Variants in ENPP6 observed in about 807,000 individuals in gnomAD.
ENPP6 encodes glycerophosphocholine cholinephosphodiesterase ENPP6.
A neutral mutation model predicts 42.0 loss-of-function variants in ENPP6; 32 were observed. That is an observed-to-expected ratio of 0.76 (90% confidence interval 0.58 to 1.02). The LOEUF is 1.02. ENPP6 is among the 50% of genes least tolerant of loss of function. The pLI is 0.00. For synonymous variants in ENPP6, 213 were observed against 216.0 expected, an observed-to-expected ratio of 0.99 and a Z score of 0.12; for missense variants, 552 against 566.8, an observed-to-expected ratio of 0.97 and a Z score of 0.27.
intron 2 of ENPP6, among the ~76,000 whole-genome samples, chr4:184,141,722 G>A (rs1363047579): frequency 2.0e-5 from 3 of 151,998 alleles, no homozygotes; most frequent in Non-Finnish European, 4.4e-5. Context: ...GAACTTAAAG[G>A]ACAATCAATG....
chr4:184,191,208 T>A (rs1382073322), intron 1 of ENPP6, among the ~76,000 whole-genome samples: 4 of 152,256 alleles, frequency 2.6e-5, no homozygotes. Flanking sequence ...TTTGTACTCA[T>A]AGTTCTTCCA....
chr4:184,194,046 T>C (rs2111109677), intron 1 of ENPP6, among the ~76,000 whole-genome samples: 1 of 152,288 alleles, frequency 6.6e-6, no homozygotes, highest in East Asian at 1.9e-4. Flanking sequence ...CCTTGTCTCC[T>C]TTGATACCTC....
chr4:184,103,755 T>C, intron 6 of ENPP6, among the ~76,000 whole-genome samples: 1 of 152,240 alleles, frequency 6.6e-6, no homozygotes, highest in Admixed American at 6.5e-5. Context: ...GCCTTGGAGA[T>C]GTGTTTGCCA....
chr4:184,165,064 G>A (rs1009601917), intron 1 of ENPP6, among the ~76,000 whole-genome samples: 2 of 152,194 alleles, frequency 1.3e-5, no homozygotes, highest in Non-Finnish European at 2.9e-5. Context: ...AGAGGAACAC[G>A]TCAGTCCAGG....
intron 1 of ENPP6, among the ~76,000 whole-genome samples, chr4:184,163,575 G>A (rs1737301867): frequency 6.6e-6 from 1 of 152,136 alleles, no homozygotes; most frequent in Non-Finnish European, 1.5e-5. Flanking sequence ...GTATTCACGT[G>A]TCCAAACATA....
chr4:184,120,028 G>A (rs1736388462), intron 3 of ENPP6, among the ~76,000 whole-genome samples: 1 of 152,158 alleles, frequency 6.6e-6, no homozygotes, highest in Non-Finnish European at 1.5e-5. Context: ...GTAACATGGT[G>A]TATTAAACAA....
chr4:184,187,592 T>C (rs1882335), intron 1 of ENPP6, among the ~76,000 whole-genome samples: 150,183 of 152,302 alleles, frequency 0.99, 74,080 homozygotes, highest in East Asian at 1. Context: ...CTCAGGTCTC[T>C]GCTCAAATTT....
At chr4:184,117,320 G>C (rs1238371753) in intron 4 of ENPP6, among the ~76,000 whole-genome samples, 1 of 152,224 alleles carries the variant, frequency 6.6e-6, no homozygotes, top group African/African-American at 2.4e-5. Context: ...CAACAAATTT[G>C]TGTGCTGGTT....
intron 1 of ENPP6, among the ~76,000 whole-genome samples, chr4:184,198,246 A>G (rs1056408421): frequency 3.3e-5 from 5 of 152,254 alleles, no homozygotes; most frequent in Admixed American, 3.3e-4. Flanking sequence ...GCTCTGAGCC[A>G]GTGCAGTCCA....
At chr4:184,216,981 T>G (rs1733206604) in intron 1 of ENPP6, 1 of 152,056 alleles carries the variant, frequency 6.6e-6, no homozygotes, top group African/African-American at 2.4e-5. Context: ...GACACAAGCT[T>G]TTTCTTCTCC....
intron 1 of ENPP6, among the ~76,000 whole-genome samples, chr4:184,207,400 G>C (rs1188671180): frequency 6.6e-6 from 1 of 152,196 alleles, no homozygotes; most frequent in Non-Finnish European, 1.5e-5. Context: ...GACCTGGATT[G>C]AACAAATCAC....
In ENPP6 at chr4:184,117,739, G is replaced by A. The variant is rs746548467; in HGVS notation, c.675+20C>T. 22 of 1,611,272 alleles carry A rather than the reference G, an allele frequency of 1.4e-5. No homozygotes were observed. The highest frequency in any genetic ancestry group is 4.4e-5 in the South Asian group (4 of 90,998). The stretch of plus-strand genomic sequence containing the variant: ...GGTGACAGAGAGAAGGCCAGGCCAC[G>A]TGTCTTTGCTTCAGGTCACCTGGAT... On this transcript the variant is annotated intron_variant, in intron 4 of 7. Coordinates refer to ENST00000296741, the MANE Select transcript of ENPP6 (RefSeq NM_153343.4).
At chr4:184,172,001 T>C (rs748765360) in intron 1 of ENPP6, among the ~76,000 whole-genome samples, 56 of 152,206 alleles carry the variant, frequency 3.7e-4, no homozygotes, top group Middle Eastern at 3.4e-3. Flanking sequence ...AGGTGCAGCA[T>C]TGGCTAGGCG....
intron 1 of ENPP6, among the ~76,000 whole-genome samples, chr4:184,186,514 C>T (rs1732636891): frequency 6.6e-6 from 1 of 151,934 alleles, no homozygotes; most frequent in Non-Finnish European, 1.5e-5. Flanking sequence ...TGAGGAGCTC[C>T]AATATAAAGG....
chr4:184,150,983 C>T (rs1436304474), intron 2 of ENPP6, among the ~76,000 whole-genome samples: 4 of 152,204 alleles, frequency 2.6e-5, no homozygotes, highest in African/African-American at 4.8e-5. Flanking sequence ...AGATATTTTT[C>T]ATGCAAATTA....
At chr4:184,124,334 C>T (rs1172172860) in intron 2 of ENPP6, 62 bp from the exon 3 acceptor site, 5 of 1,263,982 alleles carry the variant, frequency 4.0e-6, no homozygotes, top group Non-Finnish European at 3.4e-6. Context: ...AGTTATGAGC[C>T]TATTTCAGGA....
intron 1 of ENPP6, among the ~76,000 whole-genome samples, chr4:184,178,993 T>C (rs1367690147): frequency 1.3e-5 from 2 of 152,176 alleles, no homozygotes; most frequent in African/African-American, 4.8e-5. Context: ...CCAGCTAGCA[T>C]CATGATAACA....
chr4:184,202,489 T>C (rs116584676), intron 1 of ENPP6, among the ~76,000 whole-genome samples: 1 of 152,244 alleles, frequency 6.6e-6, no homozygotes, highest in South Asian at 2.1e-4. Context: ...CTTTCATCAA[T>C]TGCACGTTTT....
chr4:184,163,602 T>G, intron 1 of ENPP6, among the ~76,000 whole-genome samples: 1 of 152,196 alleles, frequency 6.6e-6, no homozygotes, highest in Admixed American at 6.5e-5. Flanking sequence ...GAAAAACAAC[T>G]GCATAGCTGG....
Sources: gnomAD v4.1 joint callset for allele counts (sites outside exome capture counted in the v4.1 genomes callset) on GRCh38, gnomAD v4.1.1 for gene constraint, MANE v1.5 for transcripts, NCBI Gene and HGNC (gene_info 2026-07-23, HGNC 2026-07-21) for gene names.